The following SMIM22 variants were observed in gnomAD, a reference collection of about 807,000 sequenced individuals.
SMIM22 encodes the protein small integral membrane protein 22.
SMIM22 carries 16 observed loss-of-function variants against 8.4 expected under a neutral mutation model. The observed-to-expected ratio is 1.90, with a 90% CI of 1.29 to 2.89. The LOEUF (loss-of-function observed/expected upper bound fraction) is 2.89. Ranked by LOEUF, SMIM22 falls within the 30% of genes most tolerant of loss-of-function variation. The probability of loss-of-function intolerance (pLI) is 0.00; values close to 1 mark genes in which losing one functional copy is unlikely to be tolerated. For synonymous variants in SMIM22, 67 were observed against 47.6 expected, an observed-to-expected ratio of 1.41 and a Z score of -1.68; for missense variants, 159 against 107.5, an observed-to-expected ratio of 1.48 and a Z score of -2.12.
chr16:4,790,194 C>T (rs1369070556), intron 2 of SMIM22: 2 of 152,160 alleles, frequency 1.3e-5, no homozygotes, highest in African/African-American at 4.8e-5. Flanking sequence ...CACACTCAGG[C>T]TGGCAAGTGT....
upstream of SMIM22, among the ~76,000 whole-genome samples, chr16:4,792,023 C>T (rs549500735): frequency 9.9e-5 from 15 of 151,502 alleles, no homozygotes; most frequent in Non-Finnish European, 2.1e-4. Context: ...GTTTCCAGAT[C>T]TTCTTTAAGA....
chr16:4,789,630 T>C (rs1186184093), intron 2 of SMIM22, among the ~76,000 whole-genome samples: 1 of 152,114 alleles, frequency 6.6e-6, no homozygotes, highest in Admixed American at 6.6e-5. Flanking sequence ...CCAGCCCTTT[T>C]TAAAATTTTT....
exon 1 of SMIM22, chr16:4,788,526 C>G (rs1488348435): frequency 6.6e-6 from 1 of 152,180 alleles, no homozygotes; most frequent in Non-Finnish European, 1.5e-5. Flanking sequence ...CCCAAGGCCC[C>G]CTCGTCAGCT....
chr16:4,793,239 C>A (rs1348303543), upstream of SMIM22, among the ~76,000 whole-genome samples: 1 of 151,890 alleles, frequency 6.6e-6, no homozygotes, highest in East Asian at 1.9e-4. Flanking sequence ...AGAAGCTGGA[C>A]AAGGCAAAAG....
upstream of SMIM22, among the ~76,000 whole-genome samples, chr16:4,793,830 GCA>G (rs2082591943): frequency 6.6e-6 from 1 of 152,220 alleles, no homozygotes; most frequent in East Asian, 1.9e-4. Flanking sequence ...ACGCTAGAGT[GCA>G]GTGGTGCCAT....
At chr16:4,795,491 A>T (rs1285062490) in intron 1 of SMIM22, 42 bp downstream of exon 1, 2 of 542,068 alleles carry the variant, frequency 3.7e-6, no homozygotes, top group East Asian at 6.9e-5. Context: ...GGGGAGAGAG[A>T]GGGGAGATGA....
In SMIM22 at chr16:4,795,811, A is replaced by C. The variant is rs765431517; in HGVS notation, c.77A>C (p.Gln26Pro). 1.3e-5 allele frequency: 20 copies of C among 1,536,006 alleles called. No homozygotes were observed. The South Asian group carries it at 2.3e-4, about 17-fold the overall frequency. The change falls in exon 2 of 4, where the codon CAG (glutamine) becomes CCG (proline). Residue 26 changes from glutamine (Q) to proline (P), a missense_variant. Coordinates refer to ENST00000586005, the MANE Select transcript of SMIM22 (RefSeq NM_001253794.2). ...LGRLKSHQFF[Q>P]STWDTVAFIV... ...AGACTGAAGAGCCACCAGTTTTTCC[A>C]GTCCACATGGGACACTGTTGCCTTC...
upstream of SMIM22, among the ~76,000 whole-genome samples, chr16:4,791,580 A>G (rs2082551696): frequency 6.6e-6 from 1 of 152,122 alleles, no homozygotes; most frequent in Non-Finnish European, 1.5e-5. Flanking sequence ...GTCTTATGGC[A>G]TGCAATCGAA....
chr16:4,792,757 G>A (rs1313709152), upstream of SMIM22, among the ~76,000 whole-genome samples: 4 of 148,080 alleles, frequency 2.7e-5, no homozygotes, highest in Non-Finnish European at 4.5e-5. Flanking sequence ...AGCCGACATC[G>A]TGCCATTGCA....
At chr16:4,792,732 G>T (rs543335466), upstream of SMIM22, among the ~76,000 whole-genome samples, 1 of 150,850 alleles carries the variant, frequency 6.6e-6, no homozygotes, top group African/African-American at 2.4e-5. Flanking sequence ...AACCCAGGAA[G>T]CGGAGGTTGC....
At chr16:4,794,785 A>C (rs2141897965), upstream of SMIM22, among the ~76,000 whole-genome samples, 1 of 152,312 alleles carries the variant, frequency 6.6e-6, no homozygotes, top group African/African-American at 2.4e-5. Context: ...CAAGCTCCTG[A>C]TCTAAGTAAG....
rs1438054272 is a variant in SMIM22 at position 4,795,785 on chromosome 16, G to A, written c.51G>A (p.Gly17=). The stretch of plus-strand genomic sequence containing the variant: ...AGGCCACGGTTCAGGAAGTCCTGGG[G>A]AGACTGAAGAGCCACCAGTTTTTCC... ...ELEATVQEVL[G]RLKSHQFFQS... The change falls in exon 2 of 4, where the codon GGG becomes GGA. Residue 17 remains glycine, a synonymous_variant. Coordinates refer to ENST00000586005, the MANE Select transcript of SMIM22 (RefSeq NM_001253794.2). The A allele has an allele frequency of 2.6e-6, 4 of 1,535,840 alleles. No individual in the cohort carries two copies. The highest frequency in any genetic ancestry group is 2.4e-5 in the East Asian group (1 of 40,920).
chr16:4,795,643 T>C, intron 1 of SMIM22, 72 bp from the exon 2 acceptor site: 1 of 1,482,134 alleles, frequency 6.7e-7, no homozygotes, highest in South Asian at 1.3e-5. Context: ...GGCTGGGCTG[T>C]GGGAAGCCTG....
chr16:4,789,357 G>A (rs1315789979), intron 2 of SMIM22, among the ~76,000 whole-genome samples: 2 of 147,292 alleles, frequency 1.4e-5, no homozygotes, highest in South Asian at 2.1e-4. Flanking sequence ...ACGGAGTCTC[G>A]CTCTGTCACC....
rs2082642128 is a variant in SMIM22, at chr16:4,796,190, GA to G, written c.229del (p.Arg77AspfsTer22). ...ESPRKVSPWK[E>X]RPKGVDNLAL... ...TGGTCCCGCTGTGCTTCTCGTGCAG[GA>G]AAGACCCAAGGGAGTGGATAACTTG... On this transcript the variant is annotated frameshift_variant and splice_region_variant, in exon 4 of 4. Coordinates refer to ENST00000586005, the MANE Select transcript of SMIM22 (RefSeq NM_001253794.2). LOFTEE classifies it high-confidence loss of function. The G allele has an allele frequency of 6.5e-7, 1 of 1,535,914 alleles. No individual in the cohort carries two copies. Among genetic ancestry groups the G allele is most frequent in the African/African-American group, 1.4e-5 (1 of 73,018 alleles).
At position 4,795,961 on chromosome 16, in the gene SMIM22, CCTGCTGCTGCTGGTCGTCGCCCA is replaced by C. The variant is rs1165053829; in HGVS notation, c.151_173del (p.Val51GlnfsTer25). 5 of 1,507,608 alleles carry C rather than the reference CCTGCTGCTGCTGGTCGTCGCCCA, an allele frequency of 3.3e-6. No homozygotes were observed. Among genetic ancestry groups the C allele is most frequent in the East Asian group, 2.5e-5 (1 of 40,698 alleles). 93.4% of individuals were successfully genotyped at this position (1,507,608 alleles called of 1,614,324 possible). A position where few individuals can be genotyped will look rare whatever the true frequency, so the allele number is the denominator to read the frequency against. On this transcript the variant is annotated frameshift_variant, in exon 3 of 4. Coordinates refer to ENST00000586005, the MANE Select transcript of SMIM22 (RefSeq NM_001253794.2). LOFTEE classifies it high-confidence loss of function. ...TCCTGTCCCCAGGCACCGTGCTGCT[CCTGCTGCTGCTGGTCGTCGCCCA>C]CTGCTGCTGCTGCAGCTCCCCCGGG...
At chr16:4,789,774 T>C (rs966780057) in intron 2 of SMIM22, among the ~76,000 whole-genome samples, 3 of 152,164 alleles carry the variant, frequency 2.0e-5, no homozygotes, top group African/African-American at 4.8e-5. Context: ...AGCTGTTTCT[T>C]ATACCAAGTC....
upstream of SMIM22, among the ~76,000 whole-genome samples, chr16:4,792,983 C>T (rs945198247): frequency 6.6e-6 from 1 of 151,862 alleles, no homozygotes; most frequent in Non-Finnish European, 1.5e-5. Flanking sequence ...GTGGCAGGTG[C>T]CTGTAATCCC....
chr16:4,791,901 G>A (rs1261580517), upstream of SMIM22, among the ~76,000 whole-genome samples: 1 of 152,036 alleles, frequency 6.6e-6, no homozygotes, highest in East Asian at 1.9e-4. Context: ...TGGCCAGGAT[G>A]GTCTCGAATT....
Sources: gnomAD v4.1 joint callset for allele counts (sites outside exome capture counted in the v4.1 genomes callset) on GRCh38, gnomAD v4.1.1 for gene constraint, MANE v1.5 for transcripts, NCBI Gene and HGNC (gene_info 2026-07-23, HGNC 2026-07-21) for gene names.